The following TNFRSF11A variants were observed in gnomAD, a reference collection of about 807,000 sequenced individuals.
TNFRSF11A encodes TNF receptor superfamily member 11a.
Under a neutral mutation model 55.7 loss-of-function variants are expected in TNFRSF11A, and 32 were observed. The observed-to-expected ratio is 0.57, with a 90% CI of 0.43 to 0.77. The LOEUF (loss-of-function observed/expected upper bound fraction) is 0.77, where lower values mean the gene tolerates loss of function less well. TNFRSF11A is among the 30% of genes least tolerant of loss of function. The pLI is 0.00. For synonymous variants in TNFRSF11A, 311 were observed against 331.0 expected (o/e 0.94, Z 0.65); for missense variants, 753 against 809.8 (o/e 0.93, Z 0.85).
intron 1 of TNFRSF11A, among the ~76,000 whole-genome samples, chr18:62,341,836 C>CTTTT (rs34047775): frequency 0.012 from 1,052 of 85,014 alleles, 25 homozygotes; most frequent in Non-Finnish European, 0.014. Context: ...CTGAGAATGG[C>CTTTT]TTTTTTTTTT....
chr18:62,355,336 G>A (rs905948884), intron 4 of TNFRSF11A, among the ~76,000 whole-genome samples: 6 of 151,948 alleles, frequency 3.9e-5, no homozygotes, highest in Non-Finnish European at 7.4e-5. Context: ...GGAGTGCAAT[G>A]GCACAATCTC....
In TNFRSF11A at chr18:62,388,429, G is replaced by A. The variant is rs544021469; in HGVS notation, c.*3395G>A. ...CAGCCCAGATCCAAGGGATGGGGGA[G>A]CAGCATATCCCCCCATGGGAAGAGT... On this transcript the variant is annotated 3_prime_UTR_variant, in exon 10 of 10. Coordinates refer to ENST00000586569, the MANE Select transcript of TNFRSF11A (RefSeq NM_003839.4). 2.0e-5 allele frequency: 3 copies of A among 152,488 alleles called. No individual in the cohort carries two copies. The highest frequency in any genetic ancestry group is 7.2e-5 in the African/African-American group (3 of 41,612). The allele number at this position is 152,488 out of a possible 1,614,324, so 9.4% of individuals were successfully genotyped here. A position where few individuals can be genotyped will look rare whatever the true frequency, so the allele number is the denominator to read the frequency against.
Position 62,369,506 on chromosome 18 carries a change from C to T in TNFRSF11A, c.1567+22C>T, listed in dbSNP as rs534970361. On this transcript the variant is annotated intron_variant, in intron 9 of 9. Transcript: ENST00000586569. The stretch of plus-strand genomic sequence containing the variant: ...TCTGGTAAGTGACTTCCCAGTCTCT[C>T]ACTTCTGAGCAGAAGGGCCAGTTCT... The T allele has an allele frequency of 1.0e-5, 16 of 1,601,094 alleles. 1 individual carries two copies. The South Asian group carries it at 1.3e-4, about 13-fold the overall frequency.
chr18:62,347,684 G>A (rs2046403759), intron 1 of TNFRSF11A, among the ~76,000 whole-genome samples: 2 of 151,930 alleles, frequency 1.3e-5, no homozygotes, highest in South Asian at 2.1e-4. Flanking sequence ...AGGCCGAGGC[G>A]GGTGGATCAC....
Position 62,369,324 on chromosome 18 carries a change from G to A in TNFRSF11A, c.1407G>A (p.Leu469=). Residue 469 remains leucine (L), a synonymous_variant, in exon 9 of 10, where the codon TTG becomes TTA. Coordinates refer to ENST00000586569, the MANE Select transcript of TNFRSF11A (RefSeq NM_003839.4). ...PLVGSPKRGP[L]PQCAYGMGLP... ...TGGGTTCCCCAAAACGTGGACCCTT[G>A]CCCCAGTGCGCCTATGGCATGGGCC... The A allele has an allele frequency of 6.2e-7, 1 of 1,609,804 alleles. No individual in the cohort carries two copies. Among genetic ancestry groups the A allele is most frequent in the Non-Finnish European group, 8.5e-7 (1 of 1,178,100 alleles).
chr18:62,350,848 C>A (rs1192485479), intron 3 of TNFRSF11A, among the ~76,000 whole-genome samples: 1 of 149,588 alleles, frequency 6.7e-6, no homozygotes, highest in East Asian at 2.0e-4. Context: ...ACAGAGGTTC[C>A]TTTCTCTCCC....
At chr18:62,348,526 A>C (rs1428350833) in intron 2 of TNFRSF11A, among the ~76,000 whole-genome samples, 1 of 152,258 alleles carries the variant, frequency 6.6e-6, no homozygotes, top group Non-Finnish European at 1.5e-5. Context: ...CGAGATGGCA[A>C]GAAGTTTTTA....
intron 7 of TNFRSF11A, among the ~76,000 whole-genome samples, chr18:62,364,898 ACT>A (rs954415734): frequency 9.9e-5 from 15 of 152,114 alleles, no homozygotes; most frequent in Non-Finnish European, 2.9e-5. Flanking sequence ...GTTACACTGA[ACT>A]GTGATGATCT....
intron 9 of TNFRSF11A, among the ~76,000 whole-genome samples, chr18:62,376,278 CTTTTT>C (rs35138457): frequency 1.0e-5 from 1 of 99,234 alleles, no homozygotes. Context: ...CAAACTTTAT[CTTTTT>C]TTTTTTTTTT....
rs1911611203 is a variant in TNFRSF11A, at chr18:62,384,987, G to C, written c.1804G>C (p.Glu602Gln). 1 of 1,472,396 alleles carries C rather than the reference G, an allele frequency of 6.8e-7. No homozygotes were observed. The allele number at this position is 1,472,396 out of a possible 1,614,324, so 91.2% of individuals were successfully genotyped here. A position where few individuals can be genotyped will look rare whatever the true frequency, so the allele number is the denominator to read the frequency against. Residue 602 changes from glutamate to glutamine, a missense_variant, in exon 10 of 10, where the codon GAG (glutamate) becomes CAG (glutamine). By Grantham distance (29) the Glu-to-Gln change is conservative (BLOSUM62 2). This residue lies in a region of TNFRSF11A where 567 missense variants were observed against 596.7 expected (regional missense o/e 0.95). Transcript: ENST00000586569. Reference sequence around the variant, plus strand: ...CGGCCCCGAGGGGCTGCGGGAGCCGGAGAAGGCCTCGAGGCCGGTGCAGGA... The same window carrying C: ...CGGCCCCGAGGGGCTGCGGGAGCCGCAGAAGGCCTCGAGGCCGGTGCAGGA... ...CGGPEGLREP[E>Q]KASRPVQEQG...
chr18:62,363,647 A>G (rs1190422505), intron 7 of TNFRSF11A, among the ~76,000 whole-genome samples: 1 of 152,086 alleles, frequency 6.6e-6, no homozygotes, highest in South Asian at 2.1e-4. Flanking sequence ...GATTACATGC[A>G]TGAGCCACCG....
Position 62,369,029 on chromosome 18 carries a change from C to T in TNFRSF11A, c.1112C>T (p.Thr371Ile). 6.2e-7 allele frequency: 1 copy of T among 1,614,230 alleles called. No individual in the cohort carries two copies. Among genetic ancestry groups the T allele is most frequent in the Non-Finnish European group, 8.5e-7 (1 of 1,180,048 alleles). ...LFLTEPGSKS[T>I]PPFSEPLEVG... ...CTCACTGAGCCTGGAAGCAAATCCA[C>T]ACCTCCTTTCTCTGAACCCCTGGAG... The change falls in exon 9 of 10, where the codon ACA becomes ATA. Residue 371 changes from threonine (T) to isoleucine (I), a missense_variant. Transcript: ENST00000586569.
chr18:62,351,006 T>C (rs537296396), intron 3 of TNFRSF11A, among the ~76,000 whole-genome samples: 19 of 146,776 alleles, frequency 1.3e-4, no homozygotes, highest in South Asian at 1.1e-3. Context: ...TTCTTTCTTT[T>C]TTTTTTTTTT....
intron 6 of TNFRSF11A, 113 bp from the exon 7 acceptor site, chr18:62,361,567 C>A: frequency 1.9e-6 from 2 of 1,036,866 alleles, no homozygotes; most frequent in Non-Finnish European, 3.0e-6. Context: ...GTCACTTCTG[C>A]TATCCCAGAC....
At chr18:62,354,557 T>C in intron 4 of TNFRSF11A, 23 bp downstream of exon 4, 1 of 1,601,402 alleles carries the variant, frequency 6.2e-7, no homozygotes, top group Non-Finnish European at 8.5e-7. Flanking sequence ...TGTGTGCGTC[T>C]GTCGGCTCTT....
chr18:62,377,910 C>A (rs1043144187), intron 9 of TNFRSF11A, among the ~76,000 whole-genome samples: 3 of 152,180 alleles, frequency 2.0e-5, no homozygotes, highest in Non-Finnish European at 4.4e-5. Flanking sequence ...AACCATCCCT[C>A]CCCTTTTCAT....
chr18:62,338,279 C>A (rs1182335457), intron 1 of TNFRSF11A, among the ~76,000 whole-genome samples: 1 of 152,106 alleles, frequency 6.6e-6, no homozygotes, highest in East Asian at 1.9e-4. Flanking sequence ...GGGGTGGGTG[C>A]CTCGAAGAGC....
chr18:62,337,582 A>G (rs982266317), intron 1 of TNFRSF11A, among the ~76,000 whole-genome samples: 4 of 152,168 alleles, frequency 2.6e-5, no homozygotes, highest in Non-Finnish European at 4.4e-5. Flanking sequence ...GTCCACCTGT[A>G]ATCCTCCTCC....
In TNFRSF11A at chr18:62,335,129, A is replaced by ATTTTTTTTTTTTTTTTTTT. The variant is rs11289576; in HGVS notation, c.75+9718_75+9719insTTTTTTTTTTTTTTTTTTT. ...CTGTGACCAAGCCACTGGGGTCGGAATTTTTTTTTTTTTTTTGTTACCCAG... is the reference window on the plus strand; with the variant it reads ...CTGTGACCAAGCCACTGGGGTCGGAATTTTTTTTTTTTTTTTTTTTTTTTTTTTTTTTTTTGTTACCCAG... On this transcript the variant is annotated intron_variant, in intron 1 of 9. Transcript: ENST00000586569. Among the ~76,000 whole-genome samples the ATTTTTTTTTTTTTTTTTTT allele has an allele frequency of 3.7e-3, 517 of 140,722 alleles. 28 individuals are homozygous for ATTTTTTTTTTTTTTTTTTT. Among genetic ancestry groups the ATTTTTTTTTTTTTTTTTTT allele is most frequent in the South Asian group, 0.012 (53 of 4,386 alleles). The allele number at this position is 140,722 out of a possible 152,430, so 92.3% of individuals were successfully genotyped here. A position where few individuals can be genotyped will look rare whatever the true frequency, so the allele number is the denominator to read the frequency against.
Sources: allele counts gnomAD v4.1 joint callset (sites outside exome capture counted in the v4.1 genomes callset), GRCh38; gene constraint gnomAD v4.1.1; regional missense constraint gnomAD v4.1.1; transcripts MANE v1.5; gene names NCBI Gene and HGNC (gene_info 2026-07-23, HGNC 2026-07-21).